GPAA1: variants seen among roughly 807,000 people sequenced by gnomAD.
GPAA1 encodes the protein glycosylphosphatidylinositol anchor attachment 1.
A neutral mutation model predicts 64.0 loss-of-function variants in GPAA1; 54 were observed. That is an observed-to-expected ratio of 0.84 (90% CI 0.68 to 1.06). The LOEUF (loss-of-function observed/expected upper bound fraction) is 1.06, where lower values mean the gene tolerates loss of function less well. GPAA1 is among the 50% of genes least tolerant of loss of function. The pLI, the probability that GPAA1 is intolerant of heterozygous loss-of-function variation, is 0.00. For synonymous variants in GPAA1, 393 were observed against 377.3 expected (o/e 1.04, Z -0.48); for missense variants, 780 against 822.3 (o/e 0.95, Z 0.63).
In GPAA1 at chr8:144,085,413, A is replaced by AGGCTGT; in HGVS notation, c.1388_1393dup (p.Ala463_Val464dup). On this transcript the variant is annotated inframe_insertion, in exon 10 of 12. Coordinates refer to ENST00000355091, the MANE Select transcript of GPAA1 (RefSeq NM_003801.4). Reference sequence around the variant, plus strand: ...CAGCACTTCCCAGTGGCAGAGGCTGAGGCTGTGGTGCTGACACTGCTGGCG... The same window carrying AGGCTGT: ...CAGCACTTCCCAGTGGCAGAGGCTGAGGCTGTGGCTGTGGTGCTGACACTGCTGGCG... 1.2e-6 allele frequency: 2 copies of AGGCTGT among 1,605,956 alleles called. No individual in the cohort carries two copies. Among genetic ancestry groups the AGGCTGT allele is most frequent in the Non-Finnish European group, 1.7e-6 (2 of 1,179,942 alleles).
chr8:144,085,221 G>T, intron 9 of GPAA1, 68 bp from the exon 10 acceptor site: 1 of 1,486,178 alleles, frequency 6.7e-7, no homozygotes. Flanking sequence ...TCAGCTGGTG[G>T]GATGGTGGTG....
chr8:144,084,781 T>C lies in GPAA1; in HGVS notation c.1070T>C (p.Phe357Ser), dbSNP rs1285382018. 1 of 1,613,784 alleles carries C rather than the reference T, an allele frequency of 6.2e-7. No homozygotes were observed. Among genetic ancestry groups the C allele is most frequent in the Non-Finnish European group, 8.5e-7 (1 of 1,179,992 alleles). Reference protein sequence around the residue: ...NHLLERLHQSFFLYLLPGLSR... With the variant: ...NHLLERLHQSSFLYLLPGLSR... ...CTCCTGGAGCGCCTGCACCAGTCCT[T>C]CTTCCTCTACTTGCTCCCCGGCCTC... The change falls in exon 8 of 12, where the codon TTC becomes TCC. Residue 357 changes from phenylalanine (F) to serine (S), a missense_variant. By Grantham distance (155) the Phe-to-Ser change is radical. Coordinates refer to ENST00000355091, the MANE Select transcript of GPAA1 (RefSeq NM_003801.4).
chr8:144,082,647 C>CCGGG lies in GPAA1; in HGVS notation c.-84_-83insCGGG. 9.9e-7 allele frequency: 1 copy of CCGGG among 1,013,584 alleles called. No individual in the cohort carries two copies. Among genetic ancestry groups the CCGGG allele is most frequent in the Non-Finnish European group, 1.3e-6 (1 of 756,160 alleles). 62.8% of individuals were successfully genotyped at this position (1,013,584 alleles called of 1,614,324 possible). ...GGAAGTGCGGGCGAGCGCGGGTCCC[C>CCGGG]GGGTCTGACAGGAGCAGCCTGTGGG... On this transcript the variant is annotated 5_prime_UTR_variant, in exon 1 of 12. Coordinates refer to ENST00000355091, the MANE Select transcript of GPAA1 (RefSeq NM_003801.4).
Position 144,085,573 on chromosome 8 carries a change from G to A in GPAA1, c.1452G>A (p.Arg484=). 1 of 1,613,078 alleles carries A rather than the reference G, an allele frequency of 6.2e-7. No individual in the cohort carries two copies. The highest frequency in any genetic ancestry group is 8.5e-7 in the Non-Finnish European group (1 of 1,179,682). The change falls in exon 11 of 12, where the codon CGG becomes CGA. Residue 484 remains arginine (R), a splice_region_variant and synonymous_variant. Transcript: ENST00000355091. ...AGLALPHNTH[R]VVSTQAPDRG... is the part of the protein sequence containing the mutation. The stretch of plus-strand genomic sequence containing the variant: ...TGCCTCTGAGTCCTTTGTCTTACAG[G>A]GTGGTAAGCACACAGGCCCCAGACA...
rs530413221 is a variant in GPAA1 at position 144,085,797 on chromosome 8, G to T, written c.1622+54G>T. On this transcript the variant is annotated intron_variant, in intron 11 of 11. Coordinates refer to ENST00000355091, the MANE Select transcript of GPAA1 (RefSeq NM_003801.4). ...AATGCCTGTGCCCTCATCACAGACCGCACCCTCATTCAGTAGCCCTTTCCC... is the reference window on the plus strand; with the variant it reads ...AATGCCTGTGCCCTCATCACAGACCTCACCCTCATTCAGTAGCCCTTTCCC... 1.5e-5 allele frequency: 24 copies of T among 1,600,446 alleles called. No individual in the cohort carries two copies. The African/African-American group carries it at 2.9e-4, about 20-fold the overall frequency.
chr8:144,084,894 C>A lies in GPAA1; in HGVS notation c.1164+19C>A, dbSNP rs782724741. The A allele has an allele frequency of 3.1e-5, 50 of 1,612,550 alleles. No homozygotes were observed. The highest frequency in any genetic ancestry group is 3.6e-5 in the Non-Finnish European group (43 of 1,179,416). On this transcript the variant is annotated intron_variant, in intron 8 of 11. Transcript: ENST00000355091. Reference sequence around the variant, plus strand: ...TCTCAAGATATCCTCTGCCCCTTGCCATCTACCTGTGACCAGCCTCCAGTC... The same window carrying A: ...TCTCAAGATATCCTCTGCCCCTTGCAATCTACCTGTGACCAGCCTCCAGTC...
rs1223188653 is a variant in GPAA1, at chr8:144,085,948, G to A, written c.1689G>A (p.Leu563=). Residue 563 remains leucine, a synonymous_variant, in exon 12 of 12, where the codon CTG becomes CTA. Coordinates refer to ENST00000355091, the MANE Select transcript of GPAA1 (RefSeq NM_003801.4). ...CCACGCTCCTTGGCAGCCTGTTCCT[G>A]TGGCGGGAGCTGCAGGAGGCGCCAC... ...PAATLLGSLF[L]WRELQEAPLS... is the part of the protein sequence containing the mutation. 5 of 1,607,356 alleles carry A rather than the reference G, an allele frequency of 3.1e-6. No homozygotes were observed. In the Admixed American group the frequency reaches 6.7e-5, roughly 21 times the overall value.
chr8:144,084,462 A>G lies in GPAA1; in HGVS notation c.863A>G (p.Gln288Arg). ...TTGGATGGACCGCTGCAGGGCCTGC[A>G]GACACTGCTGCTCATGGTTCTGCGG... ...TSLDGPLQGL[Q>R]TLLLMVLRQA... The change falls in exon 7 of 12, where the codon CAG (glutamine) becomes CGG (arginine). Residue 288 changes from glutamine to arginine, a missense_variant. By Grantham distance (43) the Gln-to-Arg change is conservative (BLOSUM62 1). Coordinates refer to ENST00000355091, the MANE Select transcript of GPAA1 (RefSeq NM_003801.4). The G allele has an allele frequency of 6.2e-7, 1 of 1,613,306 alleles. No individual in the cohort carries two copies. The highest frequency in any genetic ancestry group is 8.5e-7 in the Non-Finnish European group (1 of 1,179,980).
In GPAA1 at chr8:144,085,437, C is replaced by T. The variant is rs1229468024; in HGVS notation, c.1409C>T (p.Ala470Val). 2.5e-6 allele frequency: 4 copies of T among 1,604,124 alleles called. No homozygotes were observed. Among genetic ancestry groups the T allele is most frequent in the Non-Finnish European group, 3.4e-6 (4 of 1,179,924 alleles). ...GAGGCTGTGGTGCTGACACTGCTGG[C>T]GATTTATGCAGCTGGCCTGGCCCTG... ...EAEAVVLTLL[A>V]IYAAGLALPH... Residue 470 changes from alanine (A) to valine (V), a missense_variant, in exon 10 of 12, where the codon GCG (alanine) becomes GTG (valine). Transcript: ENST00000355091.
chr8:144,083,669 A>G (rs1228196057), intron 3 of GPAA1, 45 bp from the exon 4 acceptor site: 2 of 1,569,742 alleles, frequency 1.3e-6, no homozygotes, highest in Non-Finnish European at 1.7e-6. Context: ...TCAGCCCCCT[A>G]CCACAAAGTT....
At position 144,082,672 on chromosome 8, in the gene GPAA1, G is replaced by C. The variant is rs1321666041; in HGVS notation, c.-59G>C. 24 of 1,296,988 alleles carry C rather than the reference G, an allele frequency of 1.9e-5. No individual in the cohort carries two copies. In the South Asian group the frequency reaches 3.5e-4, roughly 19 times the overall value. 80.3% of individuals were successfully genotyped at this position (1,296,988 alleles called of 1,614,324 possible). ...CGGGTCTGACAGGAGCAGCCTGTGG[G>C]CACCGCGGCGGTAGTTGGAGGCGGG... On this transcript the variant is annotated 5_prime_UTR_variant, in exon 1 of 12. Transcript: ENST00000355091.
chr8:144,082,915 C>G, intron 1 of GPAA1, 111 bp downstream of exon 1: 7 of 986,030 alleles, frequency 7.1e-6, no homozygotes, highest in Non-Finnish European at 9.8e-6. Flanking sequence ...TCGCGCCCCT[C>G]CGGCTGCTCG....
chr8:144,084,500 CGCCCCCACG>C lies in GPAA1; in HGVS notation c.904_912del (p.Pro302_Gly304del), dbSNP rs1359014716. The C allele has an allele frequency of 6.2e-7, 1 of 1,613,318 alleles. No homozygotes were observed. Among genetic ancestry groups the C allele is most frequent in the Non-Finnish European group, 8.5e-7 (1 of 1,179,938 alleles). On this transcript the variant is annotated inframe_deletion, in exon 7 of 12. Coordinates refer to ENST00000355091, the MANE Select transcript of GPAA1 (RefSeq NM_003801.4). ...CATGGTTCTGCGGCAGGCCTCCGGC[CGCCCCCACG>C]GCTCCCATGGCCTCTTCCTGCGCTA...
rs531899674 is a variant in GPAA1 at position 144,083,738 on chromosome 8, G to A, written c.391G>A (p.Gly131Ser). 12 of 1,604,094 alleles carry A rather than the reference G, an allele frequency of 7.5e-6. No homozygotes were observed. The highest frequency in any genetic ancestry group is 2.2e-5 in the East Asian group (1 of 44,880). ...RYMVSGTNVY[G>S]ILRAPRAAST... The stretch of plus-strand genomic sequence containing the variant: ...GATGGTGTCGGGCACCAACGTGTAC[G>A]GCATCCTGCGGGCCCCGCGTGCTGC... The change falls in exon 4 of 12, where the codon GGC becomes AGC. Residue 131 changes from glycine (G) to serine (S), a missense_variant. Physicochemically the swap from Gly to Ser is moderately conservative, Grantham distance 56 (BLOSUM62 0). Coordinates refer to ENST00000355091, the MANE Select transcript of GPAA1 (RefSeq NM_003801.4).
Position 144,084,337 on chromosome 8 carries a change from C to A in GPAA1, c.813+7C>A. On this transcript the variant is annotated splice_region_variant and intron_variant, in intron 6 of 11. Coordinates refer to ENST00000355091, the MANE Select transcript of GPAA1 (RefSeq NM_003801.4). ...GTGCACGCTTCAGGGCAAGGTGGGGCTGCCTGCCTGCCTGAGGGCTGAAGG... is the reference window on the plus strand; with the variant it reads ...GTGCACGCTTCAGGGCAAGGTGGGGATGCCTGCCTGCCTGAGGGCTGAAGG... 1 of 1,611,984 alleles carries A rather than the reference C, an allele frequency of 6.2e-7. No individual in the cohort carries two copies. The highest frequency in any genetic ancestry group is 8.5e-7 in the Non-Finnish European group (1 of 1,178,680).
chr8:144,085,128 C>T lies in GPAA1; in HGVS notation c.1250C>T (p.Pro417Leu), dbSNP rs1554764161. Residue 417 changes from proline (P) to leucine (L), a missense_variant, in exon 9 of 12, where the codon CCC (proline) becomes CTC (leucine). Transcript: ENST00000355091. ...GGAPGPSVPLPPSQGVGLASL... is the reference protein window; with the variant it reads ...GGAPGPSVPLLPSQGVGLASL... ...GCCCCTGGCCCCAGTGTACCCCTTC[C>T]CCCATCACAGGTGATGGCACCCCCT... is the stretch of plus-strand genomic sequence containing the variant. The T allele has an allele frequency of 5.7e-6, 9 of 1,576,412 alleles. No homozygotes were observed. The highest frequency in any genetic ancestry group is 2.7e-5 in the African/African-American group (2 of 73,880).
rs370628259 is a variant in GPAA1 at position 144,084,624 on chromosome 8, G to A, written c.1010+15G>A. 1.2e-5 allele frequency: 20 copies of A among 1,607,996 alleles called. No homozygotes were observed. The African/African-American group carries it at 2.4e-4, about 19-fold the overall frequency. On this transcript the variant is annotated intron_variant, in intron 7 of 11. Transcript: ENST00000355091. ...GCAGTGGGCAAGTAAGTAGTCTCTGGTCCCCCCTTTCCATGCCCAGGATGG... is the reference window on the plus strand; with the variant it reads ...GCAGTGGGCAAGTAAGTAGTCTCTGATCCCCCCTTTCCATGCCCAGGATGG...
Position 144,085,333 on chromosome 8 carries a change from G to T in GPAA1, c.1305G>T (p.Gln435His). Reference protein sequence around the residue: ...ASLVAPLLISQAMGLALYVLP... With the variant: ...ASLVAPLLISHAMGLALYVLP... ...TCGTGGCACCTCTGCTGATCTCACA[G>T]GCCATGGGACTGGCCCTCTATGTCC... The change falls in exon 10 of 12, where the codon CAG becomes CAT. Residue 435 changes from glutamine (Q) to histidine (H), a missense_variant. Coordinates refer to ENST00000355091, the MANE Select transcript of GPAA1 (RefSeq NM_003801.4). 6.2e-7 allele frequency: 1 copy of T among 1,610,524 alleles called. No individual in the cohort carries two copies. Among genetic ancestry groups the T allele is most frequent in the Non-Finnish European group, 8.5e-7 (1 of 1,179,588 alleles).
Position 144,084,291 on chromosome 8 carries a change from C to G in GPAA1, c.774C>G (p.Phe258Leu). Reference sequence around the variant, plus strand: ...ACCTGCTCAATCTCTTCCAGACCTTCTGCCAGAAAGGGGGCCTGTTGTGCA... The same window carrying G: ...ACCTGCTCAATCTCTTCCAGACCTTGTGCCAGAAAGGGGGCCTGTTGTGCA... ...NLDLLNLFQT[F>L]CQKGGLLCTL... is the part of the protein sequence containing the mutation. The change falls in exon 6 of 12, where the codon TTC becomes TTG. Residue 258 changes from phenylalanine to leucine, a missense_variant. Physicochemically the swap from Phe to Leu is conservative, Grantham distance 22 (BLOSUM62 0). Transcript: ENST00000355091. The G allele has an allele frequency of 1.2e-6, 2 of 1,613,868 alleles. No homozygotes were observed. The highest frequency in any genetic ancestry group is 1.7e-6 in the Non-Finnish European group (2 of 1,180,028).
Sources: gnomAD v4.1 joint callset for allele counts on GRCh38, gnomAD v4.1.1 for gene constraint, MANE v1.5 for transcripts, NCBI Gene and HGNC (gene_info 2026-07-23, HGNC 2026-07-21) for gene names.